The following PRKCE variants were observed in gnomAD, a reference collection of about 807,000 sequenced individuals.
PRKCE encodes protein kinase C epsilon type.
Under a neutral mutation model 85.4 loss-of-function variants are expected in PRKCE, and 16 were observed. That is an observed-to-expected ratio of 0.19 (90% CI 0.13 to 0.28). PRKCE has a LOEUF of 0.28. Ranked by LOEUF, PRKCE falls within the 10% of genes least tolerant of loss-of-function variation. The pLI, the probability that PRKCE is intolerant of heterozygous loss-of-function variation, is 1.00. For synonymous variants in PRKCE, 388 were observed against 371.5 expected, an observed-to-expected ratio of 1.04 and a Z score of -0.51; for missense variants, 573 against 975.2, an observed-to-expected ratio of 0.59 and a Z score of 5.49.
intron 2 of PRKCE, among the ~76,000 whole-genome samples, chr2:45,954,636 T>G (rs1206950119): frequency 6.6e-6 from 1 of 152,226 alleles, no homozygotes; most frequent in Non-Finnish European, 1.5e-5. Flanking sequence ...GTATAGAATT[T>G]GTTTGATTAG....
chr2:46,061,094 CTTTTTTTTCCTTTTTTTTTT>C (rs1367244024), intron 10 of PRKCE, among the ~76,000 whole-genome samples: 5 of 128,882 alleles, frequency 3.9e-5, no homozygotes, highest in Non-Finnish European at 8.2e-5. Flanking sequence ...TTCTTTTCTT[CTTTTTTTTCCTTTTTTTTTT>C]TTTTTTTTTT....
intron 1 of PRKCE, among the ~76,000 whole-genome samples, chr2:45,740,518 T>G (rs1242993222): frequency 6.6e-6 from 1 of 152,152 alleles, no homozygotes; most frequent in African/African-American, 2.4e-5. Context: ...TGACACGTTC[T>G]TTAGGCCCCA....
intron 11 of PRKCE, among the ~76,000 whole-genome samples, chr2:46,123,798 G>C (rs571426677): frequency 4.6e-5 from 7 of 152,232 alleles, no homozygotes; most frequent in Admixed American, 4.6e-4. Flanking sequence ...GTTTTATGTT[G>C]TATCTATGTC....
At chr2:46,141,575 A>G (rs1675534603) in intron 11 of PRKCE, among the ~76,000 whole-genome samples, 1 of 152,310 alleles carries the variant, frequency 6.6e-6, no homozygotes, top group South Asian at 2.1e-4. Context: ...TGAACACATG[A>G]AAGTATTACC....
intron 10 of PRKCE, among the ~76,000 whole-genome samples, chr2:46,045,374 G>T (rs187399354): frequency 1.3e-5 from 2 of 152,174 alleles, no homozygotes; most frequent in Non-Finnish European, 2.9e-5. Context: ...AATTTTGACC[G>T]TCCTCTTTGA....
chr2:45,690,281 T>C (rs563312515), intron 1 of PRKCE, among the ~76,000 whole-genome samples: 32 of 143,780 alleles, frequency 2.2e-4, no homozygotes, highest in African/African-American at 7.1e-4. Flanking sequence ...GTTAAAAAGA[T>C]GTCTGAGATG....
intron 2 of PRKCE, among the ~76,000 whole-genome samples, chr2:45,843,981 C>G (rs1691572548): frequency 1.3e-5 from 2 of 152,216 alleles, no homozygotes; most frequent in Admixed American, 6.5e-5. Context: ...GCTCTCTCAG[C>G]TCTCCTGCCT....
At position 46,121,184 on chromosome 2, in the gene PRKCE, C is replaced by T. The variant is rs568376950; in HGVS notation, c.1593-23909C>T. Among the ~76,000 whole-genome samples the T allele has an allele frequency of 7.2e-5, 11 of 152,338 alleles. No individual in the cohort carries two copies. In the South Asian group the frequency reaches 1.9e-3, roughly 26 times the overall value. On this transcript the variant is annotated intron_variant, in intron 11 of 14. Transcript: ENST00000306156. ...CATCTAACCAGAGTATCTTCACCCA[C>T]CCTTTCAGCAACTTTTATGGGGATG...
At chr2:46,062,505 A>G (rs1218871635) in intron 10 of PRKCE, among the ~76,000 whole-genome samples, 3 of 152,114 alleles carry the variant, frequency 2.0e-5, no homozygotes, top group African/African-American at 4.8e-5. Context: ...GACACAAACT[A>G]TGAAGACTAA....
chr2:45,972,008 G>A (rs1020821670), intron 2 of PRKCE, among the ~76,000 whole-genome samples: 2 of 152,136 alleles, frequency 1.3e-5, no homozygotes, highest in Non-Finnish European at 2.9e-5. Flanking sequence ...TCAAATGGTA[G>A]TTCTATTTTT....
intron 10 of PRKCE, among the ~76,000 whole-genome samples, chr2:46,070,945 A>C (rs1417610802): frequency 2.0e-5 from 3 of 152,210 alleles, no homozygotes; most frequent in Admixed American, 6.5e-5. Context: ...ATTACTCTTT[A>C]CTTGTTAATT....
chr2:45,925,007 A>G (rs1698506530), intron 2 of PRKCE, among the ~76,000 whole-genome samples: 1 of 152,208 alleles, frequency 6.6e-6, no homozygotes, highest in South Asian at 2.1e-4. Flanking sequence ...AGTTCTTAAT[A>G]GGTTCAGTGA....
chr2:46,018,914 C>T (rs1706401152), intron 10 of PRKCE, among the ~76,000 whole-genome samples: 1 of 152,216 alleles, frequency 6.6e-6, no homozygotes, highest in Non-Finnish European at 1.5e-5. Context: ...TGCCTGGCTT[C>T]CTCCCAGCTG....
At chr2:45,664,109 C>G (rs1473779963) in intron 1 of PRKCE, among the ~76,000 whole-genome samples, 1 of 152,220 alleles carries the variant, frequency 6.6e-6, no homozygotes, top group Non-Finnish European at 1.5e-5. Flanking sequence ...GAAATCTATG[C>G]TGACAATCTC....
intron 10 of PRKCE, among the ~76,000 whole-genome samples, chr2:46,083,762 A>G (rs1479466931): frequency 1.3e-5 from 2 of 152,232 alleles, no homozygotes; most frequent in Non-Finnish European, 1.5e-5. Flanking sequence ...TCAGGAATCC[A>G]TGTCCTAACA....
intron 2 of PRKCE, among the ~76,000 whole-genome samples, chr2:45,944,545 G>A (rs1700101918): frequency 6.6e-6 from 1 of 151,912 alleles, no homozygotes; most frequent in Admixed American, 6.6e-5. Flanking sequence ...CTGGAGTACA[G>A]TGATGTGATC....
chr2:46,112,545 T>A (rs1672374337), intron 11 of PRKCE, among the ~76,000 whole-genome samples: 1 of 151,938 alleles, frequency 6.6e-6, no homozygotes, highest in Non-Finnish European at 1.5e-5. Flanking sequence ...AGACAGAGTC[T>A]CACCTTGTCA....
At chr2:45,833,700 A>G (rs1690620881) in intron 1 of PRKCE, among the ~76,000 whole-genome samples, 1 of 152,258 alleles carries the variant, frequency 6.6e-6, no homozygotes, top group South Asian at 2.1e-4. Flanking sequence ...TAGTGTAAGA[A>G]ATAGGAAATG....
intron 1 of PRKCE, among the ~76,000 whole-genome samples, chr2:45,841,773 T>A (rs1298914780): frequency 6.6e-6 from 1 of 152,254 alleles, no homozygotes; most frequent in Non-Finnish European, 1.5e-5. Context: ...ACTGGGCATA[T>A]CTGGATAGAT....
Sources: gnomAD v4.1 joint callset for allele counts (sites outside exome capture counted in the v4.1 genomes callset) on GRCh38, gnomAD v4.1.1 for gene constraint, MANE v1.5 for transcripts, NCBI Gene and HGNC (gene_info 2026-07-23, HGNC 2026-07-21) for gene names.